Variants in MACROD2 observed in about 807,000 individuals in gnomAD.
MACROD2 encodes ADP-ribose glycohydrolase MACROD2.
Under a neutral mutation model 70.4 loss-of-function variants are expected in MACROD2, and 36 were observed. The observed-to-expected ratio is 0.51, with a 90% CI of 0.39 to 0.68. The LOEUF is 0.68. Ranked by LOEUF, MACROD2 falls within the 30% of genes least tolerant of loss-of-function variation. The pLI, the probability that MACROD2 is intolerant of heterozygous loss-of-function variation, is 0.00. For missense variants in MACROD2, 496 were observed against 538.4 expected (o/e 0.92, Z 0.78); for synonymous variants, 172 against 178.8 (o/e 0.96, Z 0.30).
At chr20:15,141,525 G>A (rs191171602) in intron 5 of MACROD2, among the ~76,000 whole-genome samples, 1 of 152,254 alleles carries the variant, frequency 6.6e-6, no homozygotes, top group East Asian at 1.9e-4. Flanking sequence ...TTAAATTGGG[G>A]CTGGGAAGGG....
intron 3 of MACROD2, among the ~76,000 whole-genome samples, chr20:14,165,512 GTTC>G (rs1324760706): frequency 6.6e-6 from 1 of 152,016 alleles, no homozygotes; most frequent in African/African-American, 2.4e-5. Context: ...TGCTATTTGG[GTTC>G]TTCTTTGTGG....
intron 6 of MACROD2, among the ~76,000 whole-genome samples, chr20:15,396,527 T>A (rs2045862412): frequency 2.0e-5 from 3 of 152,200 alleles, no homozygotes. Flanking sequence ...GAAGGACAAT[T>A]AAATATTGCT....
At chr20:15,341,583 A>C (rs1396570472) in intron 6 of MACROD2, among the ~76,000 whole-genome samples, 1 of 152,250 alleles carries the variant, frequency 6.6e-6, no homozygotes, top group Non-Finnish European at 1.5e-5. Flanking sequence ...GTTAAGGAAA[A>C]TGTTGGCAAC....
chr20:14,171,501 T>C (rs1403457148), intron 3 of MACROD2, among the ~76,000 whole-genome samples: 3 of 152,160 alleles, frequency 2.0e-5, no homozygotes, highest in South Asian at 2.1e-4. Flanking sequence ...CCTAGTGCCA[T>C]TTTTGCTGTA....
At chr20:14,395,647 T>G (rs1258363527) in intron 3 of MACROD2, among the ~76,000 whole-genome samples, 1 of 152,196 alleles carries the variant, frequency 6.6e-6, no homozygotes, top group Non-Finnish European at 1.5e-5. Flanking sequence ...TCATTTACTC[T>G]TCTTTTTCTG....
chr20:14,674,821 C>G (rs964932048), intron 4 of MACROD2, among the ~76,000 whole-genome samples: 2 of 152,172 alleles, frequency 1.3e-5, no homozygotes, highest in African/African-American at 4.8e-5. Flanking sequence ...CCTGTTGTAT[C>G]CTCTTGGGCT....
At chr20:15,705,497 G>A (rs2050519955) in intron 8 of MACROD2, among the ~76,000 whole-genome samples, 1 of 152,072 alleles carries the variant, frequency 6.6e-6, no homozygotes, top group South Asian at 2.1e-4. Context: ...TCAGCTCACT[G>A]GAACCTCGGC....
rs73898329 is a variant in MACROD2 at position 16,013,663 on chromosome 20, G to C, written c.1153+26505G>C. Among the ~76,000 whole-genome samples the C allele has an allele frequency of 3.1e-3, 465 of 152,254 alleles. 2 individuals carry two copies. Among genetic ancestry groups the C allele is most frequent in the African/African-American group, 0.011 (450 of 41,546 alleles). On this transcript the variant is annotated intron_variant, in intron 15 of 17. Coordinates refer to ENST00000684519, the MANE Select transcript of MACROD2 (RefSeq NM_001351661.2). ...GTTCTTCCATTTTAGTAAGTAAATG[G>C]CCTACCACAGTGTTGCTATATTTAT...
intron 2 of MACROD2, among the ~76,000 whole-genome samples, chr20:14,037,574 T>C (rs79092741): frequency 2.6e-5 from 4 of 152,208 alleles, no homozygotes; most frequent in Non-Finnish European, 4.4e-5. Context: ...AAGGAATGGA[T>C]ATTTTATTTT....
chr20:14,126,450 G>A (rs1314027036), intron 3 of MACROD2, among the ~76,000 whole-genome samples: 1 of 152,078 alleles, frequency 6.6e-6, no homozygotes, highest in East Asian at 1.9e-4. Context: ...TGAATTTTGG[G>A]GGTCCATGTA....
At chr20:15,538,156 A>G (rs925062064) in intron 8 of MACROD2, among the ~76,000 whole-genome samples, 6 of 152,222 alleles carry the variant, frequency 3.9e-5, no homozygotes, top group African/African-American at 1.4e-4. Context: ...GGAAAAAGAA[A>G]AACAACTTAA....
rs374395465 is a variant in MACROD2 at position 15,766,341 on chromosome 20, G to A, written c.646-96404G>A. 2.6e-5 allele frequency among the ~76,000 whole-genome samples: 4 copies of A among 152,286 alleles called. No individual in the cohort carries two copies. In the South Asian group the frequency reaches 8.3e-4, roughly 32 times the overall value. ...CTAGAGGACTTAATATTCCTTTTCA[G>A]AAATTGAGAGGTTCTCTTTGCTTTT... On this transcript the variant is annotated intron_variant, in intron 8 of 17. Transcript: ENST00000684519.
chr20:15,720,221 C>T (rs74179784), intron 8 of MACROD2, among the ~76,000 whole-genome samples: 15,179 of 152,134 alleles, frequency 0.1, 821 homozygotes, highest in East Asian at 0.16. Context: ...TAGGTTAATT[C>T]CATATCTTGA....
intron 5 of MACROD2, among the ~76,000 whole-genome samples, chr20:14,826,482 T>A (rs2072904356): frequency 6.6e-6 from 1 of 152,178 alleles, no homozygotes; most frequent in Non-Finnish European, 1.5e-5. Context: ...TTCTTTTTAT[T>A]TTCTTTTCCT....
intron 8 of MACROD2, among the ~76,000 whole-genome samples, chr20:15,563,533 TAAAAG>T (rs1795212605): frequency 6.6e-6 from 1 of 152,274 alleles, no homozygotes; most frequent in East Asian, 1.9e-4. Flanking sequence ...TAAACCATCT[TAAAAG>T]AAAGACTATA....
chr20:14,431,445 C>T (rs2083993886), intron 3 of MACROD2, among the ~76,000 whole-genome samples: 1 of 152,080 alleles, frequency 6.6e-6, no homozygotes, highest in South Asian at 2.1e-4. Flanking sequence ...ACTAAAAACA[C>T]AGAAGTATTT....
intron 3 of MACROD2, among the ~76,000 whole-genome samples, chr20:14,108,525 A>T (rs2054402625): frequency 6.6e-6 from 1 of 151,924 alleles, no homozygotes; most frequent in Admixed American, 6.6e-5. Context: ...CAAGAAGCAC[A>T]TTTCACCTAT....
At chr20:14,589,518 A>AG (rs1439785547) in intron 4 of MACROD2, among the ~76,000 whole-genome samples, 28 of 152,138 alleles carry the variant, frequency 1.8e-4, no homozygotes, top group Non-Finnish European at 1.5e-5. Context: ...CTGTTATACT[A>AG]TTATATTTTC....
intron 5 of MACROD2, among the ~76,000 whole-genome samples, chr20:15,150,303 G>A (rs1054787585): frequency 9.2e-5 from 14 of 151,954 alleles, no homozygotes; most frequent in Admixed American, 7.9e-4. Context: ...AGTGAAAAAA[G>A]CATTTTTAAG....
Sources: allele counts gnomAD v4.1 joint callset (sites outside exome capture counted in the v4.1 genomes callset), GRCh38; gene constraint gnomAD v4.1.1; transcripts MANE v1.5; gene names NCBI Gene and HGNC (gene_info 2026-07-23, HGNC 2026-07-21).